SCFD2: variants seen among roughly 807,000 people sequenced by gnomAD.
SCFD2 encodes sec1 family domain-containing protein 2.
Under a neutral mutation model 58.9 loss-of-function variants are expected in SCFD2, and 54 were observed. The ratio of observed to expected loss-of-function variants is 0.92; its 90% confidence interval spans 0.74 to 1.15. The LOEUF is 1.15. Ranked by LOEUF, SCFD2 falls within the 50% of genes most tolerant of loss-of-function variation. SCFD2 has a pLI of 0.00. For missense variants in SCFD2, 805 were observed against 836.6 expected, an observed-to-expected ratio of 0.96 and a Z score of 0.47; for synonymous variants, 321 against 335.9, an observed-to-expected ratio of 0.96 and a Z score of 0.49.
intron 5 of SCFD2, among the ~76,000 whole-genome samples, chr4:53,140,125 T>G (rs1726083940): frequency 1.3e-5 from 2 of 151,692 alleles, no homozygotes; most frequent in South Asian, 4.2e-4. Flanking sequence ...CACATGTTTA[T>G]CTGCTGACCT....
intron 3 of SCFD2, among the ~76,000 whole-genome samples, chr4:53,285,669 G>A (rs1381217156): frequency 6.6e-6 from 1 of 152,014 alleles, no homozygotes; most frequent in Non-Finnish European, 1.5e-5. Context: ...ACCATGTGGG[G>A]CACAAAAACT....
Position 53,365,537 on chromosome 4 carries a change from C to T in SCFD2, c.405G>A (p.Gln135=), listed in dbSNP as rs752159703. ...EMEGQQPVFE[Q]LEEKLCEWMG... ...TCCATTCACACAGCTTCTCCTCCAGCTGCTCGAACACCGGCTGCTGCCCCT... is the reference window on the plus strand; with the variant it reads ...TCCATTCACACAGCTTCTCCTCCAGTTGCTCGAACACCGGCTGCTGCCCCT... The change falls in exon 1 of 9, where the codon CAG becomes CAA. Residue 135 remains glutamine (Q), a synonymous_variant. Transcript: ENST00000401642. This position sits in a 1 kb window ranked among gnomAD's most constrained non-coding sequence, Gnocchi z 4.3. 4 of 1,614,226 alleles carry T rather than the reference C, an allele frequency of 2.5e-6. No homozygotes were observed. In the Admixed American group the frequency reaches 6.7e-5, roughly 27 times the overall value.
intron 5 of SCFD2, among the ~76,000 whole-genome samples, chr4:52,997,662 T>A (rs1391140988): frequency 2.0e-5 from 3 of 152,106 alleles, no homozygotes; most frequent in African/African-American, 7.2e-5. Flanking sequence ...GGAAAACAGG[T>A]TCCTTCACCT....
At chr4:53,201,159 T>A (rs190437175) in intron 4 of SCFD2, among the ~76,000 whole-genome samples, 6 of 152,118 alleles carry the variant, frequency 3.9e-5, no homozygotes, top group Admixed American at 3.9e-4. Context: ...TAGCTCCTAA[T>A]GCTATCCCTC....
chr4:53,357,327 G>A (rs1185412109), intron 1 of SCFD2, among the ~76,000 whole-genome samples: 3 of 151,986 alleles, frequency 2.0e-5, no homozygotes, highest in Non-Finnish European at 4.4e-5. Flanking sequence ...CACTCAGGAG[G>A]CTGAGGCACA....
At chr4:53,215,194 T>G (rs1003620406) in intron 4 of SCFD2, among the ~76,000 whole-genome samples, 17 of 152,052 alleles carry the variant, frequency 1.1e-4, no homozygotes, top group Non-Finnish European at 1.9e-4. Flanking sequence ...GTGAAGAAAG[T>G]CATTGGTAGC....
intron 4 of SCFD2, among the ~76,000 whole-genome samples, chr4:53,174,497 T>C (rs1219511370): frequency 6.6e-6 from 1 of 152,120 alleles, no homozygotes; most frequent in African/African-American, 2.4e-5. Flanking sequence ...GATGTATCAA[T>C]AGCAACAACA....
At chr4:52,880,540 G>A (rs369979059) in intron 8 of SCFD2, among the ~76,000 whole-genome samples, 2 of 150,716 alleles carry the variant, frequency 1.3e-5, no homozygotes, top group Non-Finnish European at 3.0e-5. Flanking sequence ...TCACTTGAAC[G>A]TGGGAGGTGG....
intron 4 of SCFD2, among the ~76,000 whole-genome samples, chr4:53,230,187 G>A (rs1340668567): frequency 6.6e-6 from 1 of 152,184 alleles, no homozygotes; most frequent in East Asian, 1.9e-4. Flanking sequence ...TTGTAAACTA[G>A]TTCAACCATT....
intron 5 of SCFD2, among the ~76,000 whole-genome samples, chr4:53,032,844 C>T (rs1372872267): frequency 6.6e-6 from 1 of 152,128 alleles, no homozygotes; most frequent in Non-Finnish European, 1.5e-5. Flanking sequence ...TACAAAGAGA[C>T]TTAGACTCCC....
At chr4:53,212,232 C>A (rs1191522008) in intron 4 of SCFD2, among the ~76,000 whole-genome samples, 1 of 151,936 alleles carries the variant, frequency 6.6e-6, no homozygotes, top group African/African-American at 2.4e-5. Context: ...CTTTCCTACC[C>A]CAAAGTCGGT....
intron 4 of SCFD2, among the ~76,000 whole-genome samples, chr4:53,249,159 G>A (rs1044591430): frequency 5.3e-5 from 8 of 152,350 alleles, no homozygotes; most frequent in Admixed American, 2.6e-4. Context: ...CGTGAAGAAT[G>A]CAGAAGCCTC....
chr4:53,252,802 C>A (rs1225106072), intron 4 of SCFD2, among the ~76,000 whole-genome samples: 3 of 152,108 alleles, frequency 2.0e-5, no homozygotes, highest in African/African-American at 7.2e-5. Context: ...AAAACCTAGG[C>A]ATTACCATTC....
chr4:53,056,185 C>T (rs1302553393), intron 5 of SCFD2, among the ~76,000 whole-genome samples: 2 of 148,492 alleles, frequency 1.3e-5, no homozygotes, highest in Admixed American at 1.4e-4. Context: ...TTTACATTGA[C>T]AGGCCTAGAA....
chr4:52,957,567 A>G (rs1720739983), intron 5 of SCFD2: 1 of 152,272 alleles, frequency 6.6e-6, no homozygotes. Context: ...TCCAATAGCC[A>G]TCACTCACCA....
intron 4 of SCFD2, among the ~76,000 whole-genome samples, chr4:53,259,578 T>C (rs2149052207): frequency 6.6e-6 from 1 of 152,368 alleles, no homozygotes. Context: ...CACTGGTCTA[T>C]GTGCCTATTT....
intron 4 of SCFD2, among the ~76,000 whole-genome samples, chr4:53,218,548 C>A (rs2148992188): frequency 6.6e-6 from 1 of 152,086 alleles, no homozygotes; most frequent in African/African-American, 2.4e-5. Context: ...TTCATCTAAT[C>A]TTTTTTCAAG....
chr4:53,143,072 C>A (rs1376354904), intron 5 of SCFD2, among the ~76,000 whole-genome samples: 3 of 152,156 alleles, frequency 2.0e-5, no homozygotes, highest in South Asian at 2.1e-4. Flanking sequence ...TACAAATGCA[C>A]AGAAGTATTT....
At chr4:53,152,815 T>G (rs1460263299) in intron 4 of SCFD2, among the ~76,000 whole-genome samples, 1 of 152,090 alleles carries the variant, frequency 6.6e-6, no homozygotes, top group Non-Finnish European at 1.5e-5. Context: ...ATGTTCCCAT[T>G]CCAAAAAGGA....
Sources: gnomAD v4.1 joint callset for allele counts (sites outside exome capture counted in the v4.1 genomes callset) on GRCh38, gnomAD v4.1.1 for gene constraint, Gnocchi (gnomAD v3.1) non-coding constraint, MANE v1.5 for transcripts, NCBI Gene and HGNC (gene_info 2026-07-23, HGNC 2026-07-21) for gene names.